The following WIF1 variants were observed in gnomAD, a reference collection of about 807,000 sequenced individuals.
WIF1 encodes the protein Wnt inhibitory factor 1.
In WIF1, 35 loss-of-function variants were observed where a neutral mutation model predicts 53.5. The observed-to-expected ratio is 0.65, with a 90% CI of 0.50 to 0.87. WIF1 has a LOEUF of 0.87. WIF1 is among the 40% of genes least tolerant of loss of function. The probability of loss-of-function intolerance (pLI) is 0.00; values close to 1 mark genes in which losing one functional copy is unlikely to be tolerated. For synonymous variants in WIF1, 171 were observed against 170.4 expected (o/e 1.00, Z -0.03); for missense variants, 467 against 476.8 (o/e 0.98, Z 0.19).
intron 8 of WIF1, 32 bp downstream of exon 8, chr12:65,055,999 G>C: frequency 6.3e-7 from 1 of 1,593,160 alleles, no homozygotes; most frequent in South Asian, 1.1e-5. Context: ...CGACCTAGTA[G>C]CCCAGATTGG....
intron 3 of WIF1, among the ~76,000 whole-genome samples, chr12:65,077,375 G>C (rs79269893): frequency 6.6e-6 from 1 of 152,070 alleles, no homozygotes; most frequent in Non-Finnish European, 1.5e-5. Flanking sequence ...TATCCCATTT[G>C]CCCCCAATCA....
chr12:65,076,365 T>C (rs1189264307), intron 3 of WIF1, among the ~76,000 whole-genome samples: 1 of 152,158 alleles, frequency 6.6e-6, no homozygotes, highest in Non-Finnish European at 1.5e-5. Context: ...GCCACTAAAG[T>C]AGTTAATGTG....
intron 7 of WIF1, among the ~76,000 whole-genome samples, chr12:65,060,023 TA>T (rs35133919): frequency 1.3e-5 from 2 of 149,372 alleles, no homozygotes; most frequent in East Asian, 3.9e-4. Flanking sequence ...ACATTTCATT[TA>T]AAAAAAAAAC....
chr12:65,120,909 A>G, intron 1 of WIF1, 135 bp downstream of exon 1: 4 of 1,182,266 alleles, frequency 3.4e-6, no homozygotes, highest in Non-Finnish European at 4.4e-6. Context: ...GATGGAAAAT[A>G]TCTAATTAAA....
intron 2 of WIF1, among the ~76,000 whole-genome samples, chr12:65,083,232 G>A (rs146623340): frequency 6.6e-6 from 1 of 152,128 alleles, no homozygotes; most frequent in Non-Finnish European, 1.5e-5. Flanking sequence ...TAGATCGTAC[G>A]CTGTAAGTGA....
At chr12:65,059,714 C>T (rs1005036432) in intron 7 of WIF1, among the ~76,000 whole-genome samples, 1 of 151,708 alleles carries the variant, frequency 6.6e-6, no homozygotes, top group Non-Finnish European at 1.5e-5. Context: ...TGCAGTGGCT[C>T]AACCTTGGCT....
intron 2 of WIF1, among the ~76,000 whole-genome samples, chr12:65,081,066 T>C (rs1882941337): frequency 6.6e-6 from 1 of 152,110 alleles, no homozygotes; most frequent in African/African-American, 2.4e-5. Flanking sequence ...TTTCTCTCTT[T>C]TTCAGATTTT....
chr12:65,104,753 A>G (rs1178449802), intron 2 of WIF1, among the ~76,000 whole-genome samples: 2 of 152,150 alleles, frequency 1.3e-5, no homozygotes, highest in Non-Finnish European at 2.9e-5. Context: ...TTAGTTCATA[A>G]TACAAGGTTT....
At chr12:65,055,328 A>T (rs974910226) in intron 8 of WIF1, 115 bp from the exon 9 acceptor site, 3 of 1,174,134 alleles carry the variant, frequency 2.6e-6, no homozygotes, top group Non-Finnish European at 3.5e-6. Flanking sequence ...TCATCCTCTA[A>T]TTTTTTTTCC....
At chr12:65,091,187 A>T (rs1883116061) in intron 2 of WIF1, among the ~76,000 whole-genome samples, 2 of 151,986 alleles carry the variant, frequency 1.3e-5, no homozygotes, top group South Asian at 4.1e-4. Flanking sequence ...AATCAGTAAA[A>T]TCCAGACTAT....
intron 6 of WIF1, among the ~76,000 whole-genome samples, chr12:65,064,646 A>G (rs887181039): frequency 2.0e-5 from 3 of 152,238 alleles, no homozygotes; most frequent in Non-Finnish European, 2.9e-5. Flanking sequence ...TTCAACAGAC[A>G]TTATAAAAGA....
rs113639723 is a variant in WIF1 at position 65,101,986 on chromosome 12, C to A, written c.288+18431G>T. On this transcript the variant is annotated intron_variant, in intron 2 of 9. Transcript: ENST00000286574. The stretch of plus-strand genomic sequence containing the variant: ...TCATTTATATAAAGGGAAGAAAAGA[C>A]CCTACTTTTTCATTGTCTACTATGT... Among the ~76,000 whole-genome samples, 605 of 152,298 alleles carry A rather than the reference C, an allele frequency of 4.0e-3. 7 individuals are homozygous for A. Among genetic ancestry groups the A allele is most frequent in the African/African-American group, 0.014 (583 of 41,572 alleles).
At chr12:65,098,856 T>C (rs1883241738) in intron 2 of WIF1, among the ~76,000 whole-genome samples, 1 of 152,220 alleles carries the variant, frequency 6.6e-6, no homozygotes, top group African/African-American at 2.4e-5. Context: ...TAGCCAGCTC[T>C]ATTGCTAACT....
Position 65,062,539 on chromosome 12 carries a change from A to G in WIF1, c.768T>C (p.Cys256=). ...CSTTCFNGGT[C]FYPGKCICPP... ...GGCAAATACATTTTCCAGGGTAGAA[A>G]CAGGTCCCTCCATTAAAGCAGGTGG... is the stretch of plus-strand genomic sequence containing the variant. Residue 256 remains cysteine, a synonymous_variant, in exon 7 of 10, where the codon TGT becomes TGC. Transcript: ENST00000286574. The G allele has an allele frequency of 6.2e-7, 1 of 1,608,954 alleles. No individual in the cohort carries two copies.
At chr12:65,055,996 G>A (rs1489929470) in intron 8 of WIF1, 35 bp downstream of exon 8, 3 of 1,592,794 alleles carry the variant, frequency 1.9e-6, no homozygotes, top group African/African-American at 2.7e-5. Context: ...TAACGACCTA[G>A]TAGCCCAGAT....
At chr12:65,057,198 G>C (rs1365571058) in intron 7 of WIF1, among the ~76,000 whole-genome samples, 1 of 152,182 alleles carries the variant, frequency 6.6e-6, no homozygotes, top group African/African-American at 2.4e-5. Flanking sequence ...AGTGGCAATG[G>C]CTGGTGTGCA....
chr12:65,091,791 T>C (rs956869432), intron 2 of WIF1, among the ~76,000 whole-genome samples: 4 of 152,168 alleles, frequency 2.6e-5, no homozygotes, highest in African/African-American at 9.6e-5. Flanking sequence ...GAGCAAATCA[T>C]TATATCTGGC....
In WIF1 at chr12:65,121,071, C is replaced by A; in HGVS notation, c.121G>T (p.Asp41Tyr). ...ATGAGTACTCTTGCCTGGTGAGCAT[C>A]GATCCATAGGTACAGGCTCTCCTCC... ...PQEESLYLWI[D>Y]AHQARVLIGF... The change falls in exon 1 of 10, where the codon GAT becomes TAT. Residue 41 changes from aspartate (D) to tyrosine (Y), a missense_variant. By Grantham distance (160) the Asp-to-Tyr change is radical. Coordinates refer to ENST00000286574, the MANE Select transcript of WIF1 (RefSeq NM_007191.5). The A allele has an allele frequency of 6.5e-7, 1 of 1,539,246 alleles. No homozygotes were observed. The highest frequency in any genetic ancestry group is 1.2e-5 in the South Asian group (1 of 82,502).
In WIF1 at chr12:65,100,835, A is replaced by G. The variant is rs1238455008; in HGVS notation, c.288+19582T>C. 4.6e-5 allele frequency among the ~76,000 whole-genome samples: 7 copies of G among 152,158 alleles called. No homozygotes were observed. In the East Asian group the frequency reaches 1.3e-3, roughly 29 times the overall value. On this transcript the variant is annotated intron_variant, in intron 2 of 9. Transcript: ENST00000286574. ...CAGGAGTTCAAGACTAGCCTGGGCA[A>G]CATACTGAGATCCCATCTCTACAAA...
Sources: gnomAD v4.1 joint callset for allele counts (sites outside exome capture counted in the v4.1 genomes callset) on GRCh38, gnomAD v4.1.1 for gene constraint, MANE v1.5 for transcripts, NCBI Gene and HGNC (gene_info 2026-07-23, HGNC 2026-07-21) for gene names.